MET: variants seen among roughly 807,000 people sequenced by gnomAD.
MET encodes MET proto-oncogene, receptor tyrosine kinase.
In MET, 48 loss-of-function variants were observed where a neutral mutation model predicts 133.1. The observed-to-expected ratio is 0.36, with a 90% CI of 0.29 to 0.46. The LOEUF is 0.46. MET is among the 20% of genes least tolerant of loss of function. MET has a pLI of 1.00. For synonymous variants in MET, 628 were observed against 616.5 expected (o/e 1.02, Z -0.28); for missense variants, 1,442 against 1,695.9 (o/e 0.85, Z 2.63).
intron 19 of MET, among the ~76,000 whole-genome samples, chr7:116,784,386 G>T (rs1441557156): frequency 1.3e-5 from 2 of 152,158 alleles, no homozygotes; most frequent in Non-Finnish European, 2.9e-5. Context: ...CTGCTATAAA[G>T]AAATACTGAG....
intron 19 of MET, among the ~76,000 whole-genome samples, chr7:116,788,300 C>T (rs79878822): frequency 6.6e-6 from 1 of 152,150 alleles, no homozygotes; most frequent in Non-Finnish European, 1.5e-5. Flanking sequence ...CATTTAATCA[C>T]TTTAATTTAC....
At position 116,778,940 on chromosome 7, in the gene MET, A is replaced by T. The variant is rs752109953; in HGVS notation, c.3505A>T (p.Ile1169Phe). Reference protein sequence around the residue: ...YMKHGDLRNFIRNETHNPTVK... With the variant: ...YMKHGDLRNFFRNETHNPTVK... ...GAAACATGGAGATCTTCGAAATTTCATTCGAAATGAGACTCATGTAAGTTG... is the reference window on the plus strand; with the variant it reads ...GAAACATGGAGATCTTCGAAATTTCTTTCGAAATGAGACTCATGTAAGTTG... Residue 1169 changes from isoleucine (I) to phenylalanine (F), a missense_variant, in exon 17 of 21, where the codon ATT (isoleucine) becomes TTT (phenylalanine). By Grantham distance (21) the Ile-to-Phe change is conservative. Around this residue, in one of 6 missense-constraint regions of MET, gnomAD observed 514 missense variants for 659.6 expected, o/e 0.78. Coordinates refer to ENST00000397752, the MANE Select transcript of MET (RefSeq NM_000245.4). 1 of 1,613,858 alleles carries T rather than the reference A, an allele frequency of 6.2e-7. No individual in the cohort carries two copies. Among genetic ancestry groups the T allele is most frequent in the Non-Finnish European group, 8.5e-7 (1 of 1,179,910 alleles).
intron 2 of MET, chr7:116,724,757 C>G (rs1413043253): frequency 8.7e-7 from 1 of 1,155,960 alleles, no homozygotes; most frequent in Non-Finnish European, 1.1e-6. Flanking sequence ...ATTCGCTCAA[C>G]CTCTCCCTTT....
intron 2 of MET, among the ~76,000 whole-genome samples, chr7:116,730,029 C>T (rs1170316245): frequency 1.3e-5 from 2 of 152,096 alleles, no homozygotes; most frequent in Admixed American, 6.5e-5. Context: ...TGTTATGTTG[C>T]AGCTTGTAAC....
chr7:116,711,171 A>G (rs1791979990), intron 2 of MET, among the ~76,000 whole-genome samples: 1 of 152,252 alleles, frequency 6.6e-6, no homozygotes, highest in Non-Finnish European at 1.5e-5. Context: ...GTACGGGTAA[A>G]TCACAAATTA....
At chr7:116,722,013 G>A (rs1423465410) in intron 2 of MET, among the ~76,000 whole-genome samples, 12 of 150,676 alleles carry the variant, frequency 8.0e-5, no homozygotes, top group African/African-American at 2.7e-4. Flanking sequence ...TCTTGGTGCA[G>A]AGCTGAGTTC....
At position 116,740,966 on chromosome 7, in the gene MET, T is replaced by C; in HGVS notation, c.1642T>C (p.Ser548Pro). ...CTGGTGCCACGACAAATGTGTGCGA[T>C]CGGAGGAATGCCTGAGCGGGACATG... ...CGWCHDKCVRSEECLSGTWTQ... is the reference protein window; with the variant it reads ...CGWCHDKCVRPEECLSGTWTQ... The change falls in exon 5 of 21, where the codon TCG becomes CCG. Residue 548 changes from serine (S) to proline (P), a missense_variant. Ser to Pro is a moderately conservative substitution (Grantham distance 74). Around this residue, in one of 6 missense-constraint regions of MET, gnomAD observed 762 missense variants for 792.4 expected, o/e 0.96. Transcript: ENST00000397752. The C allele has an allele frequency of 2.5e-6, 4 of 1,613,990 alleles. No homozygotes were observed. The highest frequency in any genetic ancestry group is 3.4e-6 in the Non-Finnish European group (4 of 1,180,010).
At chr7:116,711,984 A>G (rs1305168527) in intron 2 of MET, among the ~76,000 whole-genome samples, 2 of 152,190 alleles carry the variant, frequency 1.3e-5, no homozygotes, top group Non-Finnish European at 2.9e-5. Flanking sequence ...CCACTGAAAC[A>G]GCGTTAGTCA....
chr7:116,684,640 C>A (rs9640772), intron 1 of MET, among the ~76,000 whole-genome samples: 19,467 of 152,172 alleles, frequency 0.13, 2,153 homozygotes, highest in African/African-American at 0.3. Flanking sequence ...AAAGAGGGAT[C>A]CACATGTGCT....
chr7:116,724,943 C>T lies in MET; in HGVS notation c.1201-6725C>T, dbSNP rs980078114. On this transcript the variant is annotated intron_variant, in intron 2 of 20. Transcript: ENST00000397752. ...GTAAAATGCTTAGAACTGTGTCTAA[C>T]ACATTGTAAACACTAGGAACAAATG... is the stretch of plus-strand genomic sequence containing the variant. The T allele has an allele frequency of 2.9e-6, 3 of 1,045,482 alleles. No homozygotes were observed. In the East Asian group the frequency reaches 1.8e-4, roughly 63 times the overall value. 64.8% of individuals were successfully genotyped at this position (1,045,482 alleles called of 1,614,324 possible).
At chr7:116,789,653 A>G (rs373470921) in intron 19 of MET, among the ~76,000 whole-genome samples, 72 of 152,290 alleles carry the variant, frequency 4.7e-4, no homozygotes, top group Middle Eastern at 3.4e-3. Context: ...TATAAATGGA[A>G]TCATGCAGTC....
At chr7:116,751,250 G>T (rs938017988) in intron 5 of MET, among the ~76,000 whole-genome samples, 1 of 152,118 alleles carries the variant, frequency 6.6e-6, no homozygotes, top group Non-Finnish European at 1.5e-5. Flanking sequence ...CCATAAAAAA[G>T]GATGAGTTCA....
At chr7:116,772,030 T>C (rs928810617) in intron 14 of MET, 41 bp downstream of exon 14, 6 of 1,603,612 alleles carry the variant, frequency 3.7e-6, no homozygotes, top group Non-Finnish European at 4.3e-6. Flanking sequence ...CCTATACATA[T>C]ACCTCAGTGG....
chr7:116,729,997 T>C (rs1260243834), intron 2 of MET, among the ~76,000 whole-genome samples: 1 of 152,206 alleles, frequency 6.6e-6, no homozygotes, highest in African/African-American at 2.4e-5. Flanking sequence ...TTTCACATTA[T>C]CTTATAAATC....
intron 1 of MET, among the ~76,000 whole-genome samples, chr7:116,683,067 T>A (rs1290133060): frequency 2.6e-5 from 4 of 152,126 alleles, no homozygotes; most frequent in African/African-American, 9.7e-5. Flanking sequence ...CCCTCACCAT[T>A]TTTCTTTTTT....
intron 2 of MET, among the ~76,000 whole-genome samples, chr7:116,706,946 A>T (rs1323247697): frequency 6.7e-6 from 1 of 149,088 alleles, no homozygotes; most frequent in East Asian, 2.0e-4. Context: ...GATCCTGGAT[A>T]CATTCCAGTC....
intron 3 of MET, among the ~76,000 whole-genome samples, chr7:116,734,782 A>G (rs1414192612): frequency 6.6e-6 from 1 of 152,196 alleles, no homozygotes; most frequent in Non-Finnish European, 1.5e-5. Context: ...GAGATGTAGA[A>G]CAGAGTCAGA....
chr7:116,690,360 T>C (rs1003272984), intron 1 of MET, among the ~76,000 whole-genome samples: 15 of 152,102 alleles, frequency 9.9e-5, no homozygotes, highest in African/African-American at 3.6e-4. Flanking sequence ...AAGGCCATAT[T>C]CACATCCCAT....
intron 12 of MET, among the ~76,000 whole-genome samples, chr7:116,770,125 G>A (rs1794784876): frequency 6.6e-6 from 1 of 152,148 alleles, no homozygotes. Context: ...GGAGGCCAGA[G>A]CCAGTGTTCC....
Sources: allele counts gnomAD v4.1 joint callset (sites outside exome capture counted in the v4.1 genomes callset), GRCh38; gene constraint gnomAD v4.1.1; regional missense constraint gnomAD v4.1.1; transcripts MANE v1.5; gene names NCBI Gene and HGNC (gene_info 2026-07-23, HGNC 2026-07-21).